The following PHEX variants were observed in gnomAD, a reference collection of about 807,000 sequenced individuals.
PHEX encodes the protein phosphate regulating endopeptidase X-linked, also known as phosphate-regulating neutral endopeptidase PHEX.
In PHEX, 16 loss-of-function variants were observed where a neutral mutation model predicts 68.0. The observed-to-expected ratio is 0.24, with a 90% CI of 0.16 to 0.36. The LOEUF (loss-of-function observed/expected upper bound fraction) is 0.36. Ranked by LOEUF, PHEX falls within the 10% of genes least tolerant of loss-of-function variation. The pLI is 1.00. For synonymous variants in PHEX, 208 were observed against 205.1 expected, an observed-to-expected ratio of 1.01 and a Z score of -0.12; for missense variants, 480 against 575.5, an observed-to-expected ratio of 0.83 and a Z score of 1.70.
chrX:22,095,631 T>C (rs1240699667), intron 7 of PHEX, among the ~76,000 whole-genome samples: 1 of 111,702 alleles, frequency 9.0e-6, no homozygotes, highest in African/African-American at 3.3e-5. Flanking sequence ...CAGGAGGCTG[T>C]TTGTAAGTTA....
chrX:22,047,335 G>T, intron 3 of PHEX, 124 bp downstream of exon 3: 2 of 622,227 alleles, frequency 3.2e-6, no homozygotes, highest in South Asian at 2.5e-5. Context: ...TCATTTCCAA[G>T]AATTTTTAAA....
rs368592198 is a variant in PHEX at position 22,105,355 on chromosome X, C to T, written c.1080-6112C>T. ...AGACCAGCTGTTTTCAAACCTGACACGCCTCAGAATCCCCTGGAGGGTTTG... is the reference window on the plus strand; with the variant it reads ...AGACCAGCTGTTTTCAAACCTGACATGCCTCAGAATCCCCTGGAGGGTTTG... On this transcript the variant is annotated intron_variant, in intron 9 of 21. Transcript: ENST00000379374. Among the ~76,000 whole-genome samples the T allele has an allele frequency of 1.5e-3, 173 of 112,413 alleles. 1 individual carries two copies. Among genetic ancestry groups the T allele is most frequent in the African/African-American group, 4.8e-3 (148 of 30,992 alleles).
chrX:22,146,053 C>T (rs1262572060), intron 12 of PHEX, among the ~76,000 whole-genome samples: 1 of 112,246 alleles, frequency 8.9e-6, no homozygotes, highest in Non-Finnish European at 1.9e-5. Flanking sequence ...TGGGGCTCTT[C>T]CTTTAGTGAA....
chrX:22,140,772 G>A (rs1029515714), intron 12 of PHEX, among the ~76,000 whole-genome samples: 6 of 112,058 alleles, frequency 5.4e-5, no homozygotes, highest in African/African-American at 1.3e-4. Context: ...ATGAGCCACC[G>A]TGCCTGGCTG....
At chrX:22,114,288 A>T (rs944523094) in intron 10 of PHEX, among the ~76,000 whole-genome samples, 170 bp from the exon 11 acceptor site, 2 of 111,199 alleles carry the variant, frequency 1.8e-5, no homozygotes, top group Non-Finnish European at 3.8e-5. Flanking sequence ...AATGGGGACA[A>T]GCAGAATTTT....
At chrX:22,034,725 C>A (rs994298100) in intron 1 of PHEX, among the ~76,000 whole-genome samples, 4 of 111,705 alleles carry the variant, frequency 3.6e-5, no homozygotes, top group African/African-American at 1.3e-4. Flanking sequence ...GTCTGTGGAC[C>A]AGCAGCATTA....
intron 18 of PHEX, among the ~76,000 whole-genome samples, chrX:22,223,860 A>G (rs1464569797): frequency 8.9e-6 from 1 of 112,925 alleles, no homozygotes; most frequent in Non-Finnish European, 1.9e-5. Context: ...AAAGTAGCAT[A>G]TTAGGAAGCA....
chrX:22,114,700 T>G, intron 11 of PHEX, 114 bp downstream of exon 11: 2 of 618,015 alleles, frequency 3.2e-6, no homozygotes, highest in Non-Finnish European at 5.4e-6. Context: ...GTGGGTATTG[T>G]CTTCAGATTC....
chrX:22,036,052 A>AT (rs1262185201), intron 1 of PHEX, among the ~76,000 whole-genome samples: 1,071 of 58,308 alleles, frequency 0.018, 40 homozygotes, highest in Non-Finnish European at 0.026. Flanking sequence ...ATATATATAT[A>AT]TATTTTTTTT....
intron 14 of PHEX, among the ~76,000 whole-genome samples, 176 bp downstream of exon 14, chrX:22,178,552 G>T (rs1294598683): frequency 9.0e-6 from 1 of 111,587 alleles, no homozygotes; most frequent in African/African-American, 3.3e-5. Context: ...ACGTGATTCA[G>T]ATCTTAAGTC....
chrX:22,048,475 CAT>C (rs1162844666), intron 3 of PHEX, among the ~76,000 whole-genome samples: 2 of 111,532 alleles, frequency 1.8e-5, no homozygotes, highest in East Asian at 2.8e-4. Context: ...TGTACACACA[CAT>C]GTGCACACAC....
chrX:22,179,953 A>C (rs1288874375), intron 14 of PHEX, among the ~76,000 whole-genome samples: 1 of 107,609 alleles, frequency 9.3e-6, no homozygotes, highest in Non-Finnish European at 1.9e-5. Context: ...TGCTAATGAC[A>C]GTTTAGATAG....
chrX:22,216,537 G>GAGAC (rs780366143), intron 16 of PHEX, among the ~76,000 whole-genome samples: 73 of 102,318 alleles, frequency 7.1e-4, no homozygotes, highest in Non-Finnish European at 1.3e-3. Context: ...ATTTATTTAT[G>GAGAC]AGACAGAGTT....
At chrX:22,159,339 AT>A (rs2147109852) in intron 12 of PHEX, among the ~76,000 whole-genome samples, 1 of 113,209 alleles carries the variant, frequency 8.8e-6, no homozygotes, top group African/African-American at 3.2e-5. Context: ...TGGATTTCAC[AT>A]TTTTTAAATA....
Position 22,249,455 on chromosome X carries a change from A to AAAAATATATATATATATATATATATAT in PHEX, c.*1503_*1504insAAATATATATATATATATATATATATA. On this transcript the variant is annotated 3_prime_UTR_variant, in exon 22 of 22. Transcript: ENST00000379374. ...TTGTGATTCTTTTAAAAAAAAAAAA[A>AAAAATATATATATATATATATATATAT]ATATATATATATATATATATATATA... The AAAAATATATATATATATATATATATAT allele has an allele frequency of 2.5e-5, 1 of 39,758 alleles. No homozygotes were observed. Among genetic ancestry groups the AAAAATATATATATATATATATATATAT allele is most frequent in the African/African-American group, 1.7e-4 (1 of 6,017 alleles). 3.3% of individuals were successfully genotyped at this position (39,758 alleles called of 1,213,427 possible). A position where few individuals can be genotyped will look rare whatever the true frequency, so the allele number is the denominator to read the frequency against.
chrX:22,176,718 C>T (rs1194283372), intron 13 of PHEX, among the ~76,000 whole-genome samples: 6 of 110,420 alleles, frequency 5.4e-5, no homozygotes, highest in African/African-American at 3.3e-5. Context: ...TACATAGGTA[C>T]GCATCCATCA....
In PHEX at chrX:22,230,227, CTCTTT is replaced by C. The variant is rs1569435736; in HGVS notation, c.2070+2618_2070+2622del. Among the ~76,000 whole-genome samples, 29 of 26,034 alleles carry C rather than the reference CTCTTT, an allele frequency of 1.1e-3. 2 individuals are homozygous for C. The East Asian group carries it at 0.024, about 21-fold the overall frequency. 22.6% of individuals were successfully genotyped at this position (26,034 alleles called of 115,157 possible). A position where few individuals can be genotyped will look rare whatever the true frequency, so the allele number is the denominator to read the frequency against. ...CTTAGGATTGTTTTGGCTATATGGG[CTCTTT>C]TTTTTTTTTTTTTTTTTTTTTTTTT... On this transcript the variant is annotated intron_variant, in intron 20 of 21. Transcript: ENST00000379374.
chrX:22,033,218 G>A, intron 1 of PHEX, 95 bp downstream of exon 1: 1 of 617,635 alleles, frequency 1.6e-6, no homozygotes, highest in Non-Finnish European at 2.8e-6. Flanking sequence ...ACAGGTATAG[G>A]GCTGTTTGCC....
rs2147218504 is a variant in PHEX, at chrX:22,248,723, G to A, written c.*770G>A. On this transcript the variant is annotated 3_prime_UTR_variant, in exon 22 of 22. Transcript: ENST00000379374. ...AGCAAAACCTCCTAGTTACATAACA[G>A]CAGGGAAACTAGGAGATGAAATCTC... The A allele has an allele frequency of 8.9e-6, 1 of 112,129 alleles. No individual in the cohort carries two copies. Among genetic ancestry groups the A allele is most frequent in the Non-Finnish European group, 1.9e-5 (1 of 53,259 alleles). 9.2% of individuals were successfully genotyped at this position (112,129 alleles called of 1,213,427 possible). A position where few individuals can be genotyped will look rare whatever the true frequency, so the allele number is the denominator to read the frequency against.
Sources: gnomAD v4.1 joint callset for allele counts (sites outside exome capture counted in the v4.1 genomes callset) on GRCh38, gnomAD v4.1.1 for gene constraint, MANE v1.5 for transcripts, NCBI Gene and HGNC (gene_info 2026-07-23, HGNC 2026-07-21) for gene names.